The following AKAP6 variants were observed in gnomAD, a reference collection of about 807,000 sequenced individuals.
The protein encoded by AKAP6 is A-kinase anchoring protein 6, also known as A-kinase anchor protein 6.
In AKAP6, 58 loss-of-function variants were observed where a neutral mutation model predicts 188.5. The ratio of observed to expected loss-of-function variants is 0.31; its 90% confidence interval spans 0.25 to 0.38. The LOEUF (loss-of-function observed/expected upper bound fraction) is 0.38, where lower values mean the gene tolerates loss of function less well. Ranked by LOEUF, AKAP6 falls within the 10% of genes least tolerant of loss-of-function variation. The pLI is 1.00. For synonymous variants in AKAP6, 989 were observed against 998.6 expected (o/e 0.99, Z 0.18); for missense variants, 2,710 against 2,740.0 (o/e 0.99, Z 0.24).
At chr14:32,597,269 T>C (rs1252051111) in intron 5 of AKAP6, among the ~76,000 whole-genome samples, 1 of 152,164 alleles carries the variant, frequency 6.6e-6, no homozygotes, top group Non-Finnish European at 1.5e-5. Context: ...AAGCTCATGA[T>C]TGCCAACTAT....
chr14:32,769,778 T>C (rs193004316), intron 11 of AKAP6, among the ~76,000 whole-genome samples: 1 of 152,314 alleles, frequency 6.6e-6, no homozygotes, highest in East Asian at 1.9e-4. Flanking sequence ...TCTTTTTTTC[T>C]GATCTGGTTC....
At chr14:32,703,042 TA>T (rs1283804612) in intron 9 of AKAP6, among the ~76,000 whole-genome samples, 6 of 152,196 alleles carry the variant, frequency 3.9e-5, no homozygotes, top group Non-Finnish European at 1.5e-5. Context: ...GGACTAATGC[TA>T]CAACCTATGG....
chr14:32,390,665 A>T (rs1296018251), intron 1 of AKAP6, among the ~76,000 whole-genome samples: 1 of 152,056 alleles, frequency 6.6e-6, no homozygotes, highest in African/African-American at 2.4e-5. Flanking sequence ...CTGGGCTGGT[A>T]CTGGGGGTTG....
At chr14:32,436,558 T>C (rs527606139) in intron 2 of AKAP6, among the ~76,000 whole-genome samples, 1 of 152,344 alleles carries the variant, frequency 6.6e-6, no homozygotes, top group South Asian at 2.1e-4. Flanking sequence ...TTGCCTAGGC[T>C]ACTTTTAGAA....
intron 2 of AKAP6, among the ~76,000 whole-genome samples, chr14:32,517,675 G>A (rs1881593400): frequency 6.6e-6 from 1 of 152,232 alleles, no homozygotes; most frequent in Non-Finnish European, 1.5e-5. Context: ...TGAGGCTTGA[G>A]TAGGTAAACA....
At chr14:32,509,172 T>C (rs1271972584) in intron 2 of AKAP6, among the ~76,000 whole-genome samples, 2 of 138,674 alleles carry the variant, frequency 1.4e-5, no homozygotes, top group Non-Finnish European at 3.0e-5. Flanking sequence ...TCTCCAAGGC[T>C]GGAGTGCAGT....
At chr14:32,799,674 C>A (rs750487716) in intron 12 of AKAP6, among the ~76,000 whole-genome samples, 2 of 151,722 alleles carry the variant, frequency 1.3e-5, no homozygotes, top group African/African-American at 4.8e-5. Flanking sequence ...GGAGAGCATT[C>A]GTTGTATGAT....
At chr14:32,426,183 A>T (rs575477263) in intron 1 of AKAP6, among the ~76,000 whole-genome samples, 1 of 152,054 alleles carries the variant, frequency 6.6e-6, no homozygotes, top group Non-Finnish European at 1.5e-5. Flanking sequence ...TTTACTCAGG[A>T]TTAATGACAC....
At position 32,587,523 on chromosome 14, in the gene AKAP6, T is replaced by C. The variant is rs140047110; in HGVS notation, c.2469+10281T>C. Among the ~76,000 whole-genome samples the C allele has an allele frequency of 4.4e-3, 666 of 152,286 alleles. 2 individuals are homozygous for C. Among genetic ancestry groups the C allele is most frequent in the African/African-American group, 0.014 (598 of 41,560 alleles). On this transcript the variant is annotated intron_variant, in intron 5 of 13. Coordinates refer to ENST00000280979, the MANE Select transcript of AKAP6 (RefSeq NM_004274.5). ...AACAAGCTTAAGATCAGGGTAGTTA[T>C]AATCAAATGAGTGGGTTAAAGAATG... is the stretch of plus-strand genomic sequence containing the variant.
chr14:32,485,601 T>G (rs1263647868), intron 2 of AKAP6, among the ~76,000 whole-genome samples: 1 of 152,152 alleles, frequency 6.6e-6, no homozygotes, highest in Non-Finnish European at 1.5e-5. Flanking sequence ...GTTGGCTGCA[T>G]AAATGTCTTC....
chr14:32,592,631 G>A (rs4246975), intron 5 of AKAP6, among the ~76,000 whole-genome samples: 131,601 of 152,166 alleles, frequency 0.86, 57,269 homozygotes, highest in East Asian at 1. Flanking sequence ...CAGGGCCTGG[G>A]TCTTATTCTC....
intron 11 of AKAP6, among the ~76,000 whole-genome samples, chr14:32,757,252 T>C (rs1457231894): frequency 1.3e-5 from 2 of 152,228 alleles, no homozygotes; most frequent in African/African-American, 4.8e-5. Context: ...TGTTTGTGTA[T>C]GAATAGTTGT....
At chr14:32,787,292 G>A (rs554222600) in intron 12 of AKAP6, among the ~76,000 whole-genome samples, 12 of 152,192 alleles carry the variant, frequency 7.9e-5, no homozygotes, top group Non-Finnish European at 1.6e-4. Context: ...AAGATAAATA[G>A]CATTCTTATC....
intron 8 of AKAP6, among the ~76,000 whole-genome samples, chr14:32,690,757 G>C (rs28754757): frequency 0.047 from 7,224 of 152,118 alleles, 541 homozygotes; most frequent in African/African-American, 0.16. Flanking sequence ...ATTTGTCTAA[G>C]AAAAACTGAC....
chr14:32,669,437 G>C (rs1889084741), intron 7 of AKAP6, among the ~76,000 whole-genome samples: 1 of 150,336 alleles, frequency 6.7e-6, no homozygotes, highest in Non-Finnish European at 1.5e-5. Flanking sequence ...CTGGACAAAG[G>C]AAGTGCACTT....
chr14:32,528,880 G>A (rs11846914), intron 2 of AKAP6, among the ~76,000 whole-genome samples: 4,080 of 152,156 alleles, frequency 0.027, 182 homozygotes, highest in African/African-American at 0.093. Flanking sequence ...ATTTCACCAT[G>A]TTGGCCAGGC....
intron 2 of AKAP6, among the ~76,000 whole-genome samples, chr14:32,462,325 A>G (rs1249675373): frequency 6.6e-6 from 1 of 152,204 alleles, no homozygotes. Flanking sequence ...AAGGGTAGCC[A>G]GAGAGAAAGG....
chr14:32,793,776 T>G (rs1259477862), intron 12 of AKAP6, among the ~76,000 whole-genome samples: 1 of 151,536 alleles, frequency 6.6e-6, no homozygotes, highest in East Asian at 1.9e-4. Flanking sequence ...TAAATAATGG[T>G]AAAGGCTTCA....
At chr14:32,391,434 T>C (rs1888710886) in intron 1 of AKAP6, among the ~76,000 whole-genome samples, 1 of 152,174 alleles carries the variant, frequency 6.6e-6, no homozygotes, top group Non-Finnish European at 1.5e-5. Flanking sequence ...GCTCTAGTTA[T>C]CTCTGTTCCT....
Sources: allele counts gnomAD v4.1 joint callset (sites outside exome capture counted in the v4.1 genomes callset), GRCh38; gene constraint gnomAD v4.1.1; transcripts MANE v1.5; gene names NCBI Gene and HGNC (gene_info 2026-07-23, HGNC 2026-07-21).